The following CCDC50 variants were observed in gnomAD, a reference collection of about 807,000 sequenced individuals.
CCDC50 encodes coiled-coil domain containing 50.
Under a neutral mutation model 70.2 loss-of-function variants are expected in CCDC50, and 54 were observed. The observed-to-expected ratio is 0.77, with a 90% confidence interval of 0.62 to 0.96. The LOEUF (loss-of-function observed/expected upper bound fraction) is 0.96. Among genes scored for constraint, CCDC50 ranks in the 50% least tolerant of loss-of-function variants. The pLI, the probability that CCDC50 is intolerant of heterozygous loss-of-function variation, is 0.00. For synonymous variants in CCDC50, 216 were observed against 198.8 expected (o/e 1.09, Z -0.73); for missense variants, 558 against 578.7 (o/e 0.96, Z 0.37).
intron 1 of CCDC50, among the ~76,000 whole-genome samples, chr3:191,349,966 A>AACCCC (rs1712048855): frequency 9.5e-6 from 1 of 105,620 alleles, no homozygotes; most frequent in African/African-American, 3.1e-5. Flanking sequence ...ATTTAATAAT[A>AACCCC]CCCCCCCCCT....
chr3:191,356,041 GAAAT>G (rs1323591015), intron 1 of CCDC50, among the ~76,000 whole-genome samples: 1 of 152,194 alleles, frequency 6.6e-6, no homozygotes, highest in Non-Finnish European at 1.5e-5. Context: ...GCTTCGGAAA[GAAAT>G]CTATCACTTT....
Position 191,389,494 on chromosome 3 carries a change from A to T in CCDC50, c.1323-2A>T. 2.5e-6 allele frequency: 4 copies of T among 1,613,062 alleles called. No individual in the cohort carries two copies. The highest frequency in any genetic ancestry group is 3.4e-6 in the Non-Finnish European group (4 of 1,179,048). ...CCCCTTTAAATTCTGGATTCCTTTT[A>T]GGCCACCACCACCTATCATGACAGA... On this transcript the variant is annotated splice_acceptor_variant, in intron 10 of 11. Coordinates refer to ENST00000392455, the MANE Select transcript of CCDC50 (RefSeq NM_178335.3). LOFTEE classifies it high-confidence loss of function.
At chr3:191,380,537 C>G (rs889429047) in intron 7 of CCDC50, 150 bp from the exon 8 acceptor site, 1 of 784,806 alleles carries the variant, frequency 1.3e-6, no homozygotes, top group African/African-American at 1.7e-5. Context: ...AGCTCCTGCT[C>G]TGGCTGGTGA....
At chr3:191,384,870 A>G (rs947762763) in intron 10 of CCDC50, among the ~76,000 whole-genome samples, 2 of 152,122 alleles carry the variant, frequency 1.3e-5, no homozygotes, top group Admixed American at 6.5e-5. Context: ...CTTTAAGTCC[A>G]TGTGAACCCA....
intron 4 of CCDC50, among the ~76,000 whole-genome samples, chr3:191,363,157 T>C (rs972617281): frequency 6.6e-6 from 1 of 152,088 alleles, no homozygotes; most frequent in African/African-American, 2.4e-5. Flanking sequence ...AGAATCTAAA[T>C]AGTAATCATA....
chr3:191,361,211 T>G, intron 4 of CCDC50, 52 bp downstream of exon 4: 1 of 1,371,644 alleles, frequency 7.3e-7, no homozygotes, highest in Non-Finnish European at 1.0e-6. Context: ...GTGCTCAGCT[T>G]TAGAGCAAAA....
intron 1 of CCDC50, 37 bp downstream of exon 1, chr3:191,329,760 C>T (rs1444019998): frequency 1.9e-6 from 3 of 1,593,456 alleles, no homozygotes; most frequent in African/African-American, 1.3e-5. Flanking sequence ...GGGACCCTCC[C>T]CTCTCCCAGC....
At chr3:191,368,929 C>T (rs975073817) in intron 4 of CCDC50, among the ~76,000 whole-genome samples, 4 of 152,126 alleles carry the variant, frequency 2.6e-5, no homozygotes, top group Admixed American at 1.3e-4. Context: ...TGTCACTCTG[C>T]AGCTCAAAAC....
intron 5 of CCDC50, chr3:191,370,303 T>A (rs141816862): frequency 1.1e-5 from 4 of 362,828 alleles, no homozygotes; most frequent in South Asian, 2.1e-5. Context: ...CATGTTGGTG[T>A]GCTGCACCCA....
At position 191,338,155 on chromosome 3, in the gene CCDC50, C is replaced by T. The variant is rs1303117617; in HGVS notation, c.49+8432C>T. 2.0e-5 allele frequency among the ~76,000 whole-genome samples: 3 copies of T among 152,182 alleles called. No individual in the cohort carries two copies. The East Asian group carries it at 5.8e-4, about 29-fold the overall frequency. ...TTATAAGGATATCTTTCCCTCTTCA[C>T]CGCTTCCCCATCAGCAACAAATTCT... On this transcript the variant is annotated intron_variant, in intron 1 of 11. Transcript: ENST00000392455.
chr3:191,351,971 C>A (rs1436600246), intron 1 of CCDC50, among the ~76,000 whole-genome samples: 1 of 133,428 alleles, frequency 7.5e-6, no homozygotes, highest in African/African-American at 2.8e-5. Flanking sequence ...TTTTAACTTA[C>A]CTTGAGATAC....
chr3:191,365,093 T>C (rs912607739), intron 4 of CCDC50, among the ~76,000 whole-genome samples: 1 of 151,924 alleles, frequency 6.6e-6, no homozygotes, highest in Non-Finnish European at 1.5e-5. Flanking sequence ...ACTAGATGTG[T>C]GTGTGTGTTT....
At chr3:191,373,914 A>G (rs1424260730) in intron 5 of CCDC50, among the ~76,000 whole-genome samples, 3 of 152,154 alleles carry the variant, frequency 2.0e-5, no homozygotes, top group Non-Finnish European at 4.4e-5. Flanking sequence ...CTGTTCCTTT[A>G]ACAGATTAAT....
intron 1 of CCDC50, among the ~76,000 whole-genome samples, chr3:191,330,955 C>G (rs960829718): frequency 2.0e-5 from 3 of 152,164 alleles, no homozygotes; most frequent in African/African-American, 4.8e-5. Context: ...TAATACTTTT[C>G]TACCTTTCCG....
rs1207999696 is a variant in CCDC50, at chr3:191,352,756, T to C, written c.50-4332T>C. On this transcript the variant is annotated intron_variant, in intron 1 of 11. Coordinates refer to ENST00000392455, the MANE Select transcript of CCDC50 (RefSeq NM_178335.3). ...CCAAACCTGCAGTATCTCCAAGATATGCCTATATTTAGATTAACATATTGA... is the reference window on the plus strand; with the variant it reads ...CCAAACCTGCAGTATCTCCAAGATACGCCTATATTTAGATTAACATATTGA... 1.8e-5 allele frequency among the ~76,000 whole-genome samples: 2 copies of C among 113,888 alleles called. 1 individual carries two copies. 74.7% of individuals were successfully genotyped at this position (113,888 alleles called of 152,430 possible).
chr3:191,357,756 C>T (rs559283373), intron 2 of CCDC50, among the ~76,000 whole-genome samples: 2 of 151,498 alleles, frequency 1.3e-5, no homozygotes, highest in Admixed American at 6.6e-5. Flanking sequence ...GATGTCCTGG[C>T]ACTGCCACTT....
intron 9 of CCDC50, among the ~76,000 whole-genome samples, chr3:191,381,983 A>G (rs775005558): frequency 1.3e-5 from 2 of 152,134 alleles, no homozygotes; most frequent in South Asian, 2.1e-4. Flanking sequence ...TCTCATATTA[A>G]TTATGTATAT....
rs566089600 is a variant in CCDC50, at chr3:191,350,880, G to A, written c.50-6208G>A. On this transcript the variant is annotated intron_variant, in intron 1 of 11. Coordinates refer to ENST00000392455, the MANE Select transcript of CCDC50 (RefSeq NM_178335.3). ...CCCCCACTAAGTTTTTTTCTCACCG[G>A]CATTGCCAGTATAAATACAAGTTAA... Among the ~76,000 whole-genome samples, 23 of 141,764 alleles carry A rather than the reference G, an allele frequency of 1.6e-4. 3 individuals carry two copies. In the South Asian group the frequency reaches 4.4e-3, roughly 27 times the overall value. 93.0% of individuals were successfully genotyped at this position (141,764 alleles called of 152,430 possible). A position where few individuals can be genotyped will look rare whatever the true frequency, so the allele number is the denominator to read the frequency against.
At chr3:191,363,680 G>A (rs1189955750) in intron 4 of CCDC50, among the ~76,000 whole-genome samples, 1 of 152,200 alleles carries the variant, frequency 6.6e-6, no homozygotes, top group Non-Finnish European at 1.5e-5. Context: ...TTACACACGT[G>A]TCATTACAGG....
Sources: allele counts gnomAD v4.1 joint callset (sites outside exome capture counted in the v4.1 genomes callset), GRCh38; gene constraint gnomAD v4.1.1; transcripts MANE v1.5; gene names NCBI Gene and HGNC (gene_info 2026-07-23, HGNC 2026-07-21).